The following LTBP1 variants were observed in gnomAD, a reference collection of about 807,000 sequenced individuals.
LTBP1 encodes the protein latent-transforming growth factor beta-binding protein 1.
Under a neutral mutation model 207.6 loss-of-function variants are expected in LTBP1, and 129 were observed. The ratio of observed to expected loss-of-function variants is 0.62; its 90% CI spans 0.54 to 0.72. The LOEUF (loss-of-function observed/expected upper bound fraction) is 0.72, where lower values mean the gene tolerates loss of function less well. Among genes scored for constraint, LTBP1 ranks in the 30% least tolerant of loss-of-function variants. LTBP1 has a pLI of 0.00. For synonymous variants in LTBP1, 963 were observed against 833.7 expected (o/e 1.16, Z -2.67); for missense variants, 2,281 against 2,217.2 (o/e 1.03, Z -0.58).
At chr2:33,250,661 C>A (rs914884403) in intron 10 of LTBP1, among the ~76,000 whole-genome samples, 1 of 152,164 alleles carries the variant, frequency 6.6e-6, no homozygotes, top group Non-Finnish European at 1.5e-5. Flanking sequence ...TGAGACTTAA[C>A]ATAGGGAGCT....
At chr2:33,057,322 T>A (rs2077051086) in intron 3 of LTBP1, among the ~76,000 whole-genome samples, 1 of 152,164 alleles carries the variant, frequency 6.6e-6, no homozygotes, top group African/African-American at 2.4e-5. Flanking sequence ...GACATAAAGG[T>A]TCTCCAAGTC....
rs1313212665 is a variant in LTBP1 at position 33,378,219 on chromosome 2, GTGT to G, written c.4712-10963_4712-10961del. ...TGTGTGTGTGTGTGTGTGTGTGTGT[GTGT>G]TTTGTTTGTTTGTTTGTTTTGGAGA... On this transcript the variant is annotated intron_variant, in intron 31 of 33. Transcript: ENST00000404816. Among the ~76,000 whole-genome samples the G allele has an allele frequency of 2.4e-4, 34 of 141,904 alleles. No homozygotes were observed. In the South Asian group the frequency reaches 3.3e-3, roughly 14 times the overall value. 93.1% of individuals were successfully genotyped at this position (141,904 alleles called of 152,430 possible). A position where few individuals can be genotyped will look rare whatever the true frequency, so the allele number is the denominator to read the frequency against.
At chr2:33,280,411 C>G (rs1477897658) in intron 19 of LTBP1, among the ~76,000 whole-genome samples, 1 of 151,820 alleles carries the variant, frequency 6.6e-6, no homozygotes, top group Non-Finnish European at 1.5e-5. Flanking sequence ...GATAAATATC[C>G]AAAACCAAAT....
At chr2:33,306,389 G>A (rs1242697239) in intron 22 of LTBP1, among the ~76,000 whole-genome samples, 1 of 151,990 alleles carries the variant, frequency 6.6e-6, no homozygotes, top group Non-Finnish European at 1.5e-5. Context: ...GGCCAACATG[G>A]TAAAACCCCA....
chr2:33,350,558 A>C (rs754899723), intron 26 of LTBP1, among the ~76,000 whole-genome samples: 1 of 152,232 alleles, frequency 6.6e-6, no homozygotes, highest in Non-Finnish European at 1.5e-5. Flanking sequence ...CTAATGTCCT[A>C]GGGTTTTTAT....
intron 7 of LTBP1, among the ~76,000 whole-genome samples, chr2:33,201,650 G>GAAGA (rs1301474687): frequency 6.8e-6 from 1 of 146,910 alleles, no homozygotes; most frequent in Non-Finnish European, 1.5e-5. Context: ...AAAAGAAGAA[G>GAAGA]AAAAAAAAAG....
intron 15 of LTBP1, among the ~76,000 whole-genome samples, chr2:33,266,648 G>T (rs1265248709): frequency 1.3e-5 from 2 of 152,130 alleles, no homozygotes; most frequent in Non-Finnish European, 2.9e-5. Flanking sequence ...AACTCACACA[G>T]ATGTCAGGAG....
Position 33,398,374 on chromosome 2 carries a change from A to G in LTBP1, c.4995A>G (p.Glu1665=), listed in dbSNP as rs747804945. 1.2e-6 allele frequency: 2 copies of G among 1,613,766 alleles called. No individual in the cohort carries two copies. The highest frequency in any genetic ancestry group is 2.2e-5 in the South Asian group (2 of 90,998). ...CTTGACTTATTGCAGATGTAAATGAATGCGATGAGTTGAACAACCGGATGT... is the reference window on the plus strand; with the variant it reads ...CTTGACTTATTGCAGATGTAAATGAGTGCGATGAGTTGAACAACCGGATGT... ...TAKMTCVDVN[E]CDELNNRMSL... The change falls in exon 34 of 34, where the codon GAA becomes GAG. Residue 1665 remains glutamate (E), a synonymous_variant. Transcript: ENST00000404816.
At chr2:33,290,508 A>G (rs537478524) in intron 19 of LTBP1, among the ~76,000 whole-genome samples, 23 of 152,342 alleles carry the variant, frequency 1.5e-4, no homozygotes, top group African/African-American at 5.5e-4. Flanking sequence ...TCAGATTTGT[A>G]TTTTAGAAAA....
At chr2:33,299,482 G>C (rs528428821) in intron 20 of LTBP1, among the ~76,000 whole-genome samples, 3 of 152,132 alleles carry the variant, frequency 2.0e-5, no homozygotes, top group Non-Finnish European at 4.4e-5. Context: ...CCTCCTGTGA[G>C]TATAGGGCTA....
chr2:33,315,019 G>A, intron 23 of LTBP1, 125 bp from the exon 24 acceptor site: 1 of 734,536 alleles, frequency 1.4e-6, no homozygotes, highest in Non-Finnish European at 2.2e-6. Context: ...TGGACAAATG[G>A]TATAGTTGTT....
At chr2:33,328,854 T>A (rs1013524579) in intron 24 of LTBP1, among the ~76,000 whole-genome samples, 1 of 152,232 alleles carries the variant, frequency 6.6e-6, no homozygotes. Flanking sequence ...TCTTGTCATG[T>A]GTAGTAGTCC....
At chr2:33,151,824 TG>T (rs1199573525) in intron 5 of LTBP1, among the ~76,000 whole-genome samples, 136 of 968 alleles carry the variant, frequency 0.14, no homozygotes, top group Non-Finnish European at 0.17. Flanking sequence ...TATTCCATTT[TG>T]TGTGTGTGTG....
At chr2:33,178,881 A>ATCT (rs752001528) in intron 5 of LTBP1, among the ~76,000 whole-genome samples, 5 of 152,078 alleles carry the variant, frequency 3.3e-5, no homozygotes, top group Non-Finnish European at 5.9e-5. Flanking sequence ...ATGTTTCTAC[A>ATCT]TCTTCTGGCA....
At chr2:33,068,336 A>G (rs1489193311) in intron 3 of LTBP1, among the ~76,000 whole-genome samples, 2 of 152,074 alleles carry the variant, frequency 1.3e-5, no homozygotes, top group Non-Finnish European at 2.9e-5. Context: ...ATAGATATAT[A>G]GTCCATATAC....
At chr2:32,959,696 C>T (rs979590007) in intron 2 of LTBP1, among the ~76,000 whole-genome samples, 6 of 143,958 alleles carry the variant, frequency 4.2e-5, no homozygotes, top group African/African-American at 1.0e-4. Flanking sequence ...TCTCAGCTCA[C>T]GGCAGCCTCC....
chr2:32,978,190 A>G (rs777952199), intron 2 of LTBP1, among the ~76,000 whole-genome samples: 12 of 152,142 alleles, frequency 7.9e-5, no homozygotes, highest in Non-Finnish European at 1.0e-4. Flanking sequence ...TTCCTTTTCA[A>G]TTCGGATGCC....
chr2:33,255,801 G>C (rs2092833034), intron 11 of LTBP1, among the ~76,000 whole-genome samples: 1 of 152,070 alleles, frequency 6.6e-6, no homozygotes, highest in Non-Finnish European at 1.5e-5. Context: ...CTAATTTTAG[G>C]TCCCAGACAT....
rs539009154 is a variant in LTBP1 at position 33,387,161 on chromosome 2, T to C, written c.4712-2023T>C. On this transcript the variant is annotated intron_variant, in intron 31 of 33. Coordinates refer to ENST00000404816, the MANE Select transcript of LTBP1 (RefSeq NM_206943.4). ...GAATTAATTCATTTTTAACATCTCCTCTAGATCACAACTGTGGCTTCAATA... is the reference window on the plus strand; with the variant it reads ...GAATTAATTCATTTTTAACATCTCCCCTAGATCACAACTGTGGCTTCAATA... Among the ~76,000 whole-genome samples the C allele has an allele frequency of 6.6e-5, 10 of 152,268 alleles. No homozygotes were observed. The South Asian group carries it at 1.0e-3, about 16-fold the overall frequency.
Sources: gnomAD v4.1 joint callset for allele counts (sites outside exome capture counted in the v4.1 genomes callset) on GRCh38, gnomAD v4.1.1 for gene constraint, MANE v1.5 for transcripts, NCBI Gene and HGNC (gene_info 2026-07-23, HGNC 2026-07-21) for gene names.